Variants in CIMIP7 observed in about 807,000 individuals in gnomAD.
CIMIP7 encodes uncharacterized protein C3orf84.
the CIMIP7 span, among the ~76,000 whole-genome samples, chr3:49,189,167 C>T: frequency 6.6e-6 from 1 of 152,088 alleles, no homozygotes; most frequent in Non-Finnish European, 1.5e-5. Flanking sequence ...TGGGGTTTCT[C>T]CATGTTGGTC....
At chr3:49,186,674 A>G in the CIMIP7 span, among the ~76,000 whole-genome samples, 702 of 152,344 alleles carry the variant, frequency 4.6e-3, 7 homozygotes, top group Non-Finnish European at 7.6e-3. Context: ...AAGTGCTGGG[A>G]TAACAGGCGT....
the CIMIP7 span, among the ~76,000 whole-genome samples, chr3:49,178,290 C>T: frequency 2.0e-5 from 3 of 152,214 alleles, no homozygotes; most frequent in African/African-American, 7.2e-5. Context: ...AGGAAACCAA[C>T]ATAGAGATGT....
At chr3:49,186,746 G>A in the CIMIP7 span, among the ~76,000 whole-genome samples, 1 of 149,516 alleles carries the variant, frequency 6.7e-6, no homozygotes, top group South Asian at 2.3e-4. Context: ...ACACACACAC[G>A]CACGCACGCA....
the CIMIP7 span, among the ~76,000 whole-genome samples, chr3:49,182,044 G>A: frequency 1.3e-5 from 2 of 152,070 alleles, no homozygotes; most frequent in East Asian, 3.8e-4. Flanking sequence ...TCGTTCCTCC[G>A]GGTGGGTTCG....
At chr3:49,185,689 C>CT in the CIMIP7 span, among the ~76,000 whole-genome samples, 1,047 of 143,070 alleles carry the variant, frequency 7.3e-3, 8 homozygotes, top group African/African-American at 0.022. Flanking sequence ...AATTTTAAAG[C>CT]TTTTTTTTTT....
At chr3:49,189,603 T>C in the CIMIP7 span, among the ~76,000 whole-genome samples, 1 of 152,212 alleles carries the variant, frequency 6.6e-6, no homozygotes, top group East Asian at 1.9e-4. Flanking sequence ...CCTCCTGTAC[T>C]ACTTCCCTGA....
At chr3:49,179,631 C>A in the CIMIP7 span, among the ~76,000 whole-genome samples, 4 of 152,168 alleles carry the variant, frequency 2.6e-5, no homozygotes, top group Non-Finnish European at 4.4e-5. Context: ...CTTCCTTGAG[C>A]ACTAGGCCAA....
At chr3:49,178,480 A>G in the CIMIP7 span, 1 of 1,613,218 alleles carries the variant, frequency 6.2e-7, no homozygotes. Context: ...TTCGGCACTC[A>G]CTTTGTCAAA....
At chr3:49,191,606 A>T in the CIMIP7 span, 1 of 903,964 alleles carries the variant, frequency 1.1e-6, no homozygotes. Context: ...AAGATGGTGG[A>T]GAGGAAGTGG....
chr3:49,185,897 G>A, the CIMIP7 span, among the ~76,000 whole-genome samples: 3 of 151,496 alleles, frequency 2.0e-5, no homozygotes, highest in Admixed American at 6.6e-5. Context: ...TCACTATGTT[G>A]GCCAGTCTCA....
At chr3:49,190,046 T>C in the CIMIP7 span, 4 of 1,613,842 alleles carry the variant, frequency 2.5e-6, no homozygotes, top group Non-Finnish European at 3.4e-6. Flanking sequence ...GCAGGAACAC[T>C]GCTGGAGGCT....
chr3:49,189,464 T>C, the CIMIP7 span, among the ~76,000 whole-genome samples: 903 of 152,258 alleles, frequency 5.9e-3, 10 homozygotes, highest in African/African-American at 0.021. Flanking sequence ...GGCTTGTAAG[T>C]AGTAAAGGGC....
At chr3:49,185,553 C>T in the CIMIP7 span, among the ~76,000 whole-genome samples, 24 of 151,988 alleles carry the variant, frequency 1.6e-4, no homozygotes, top group African/African-American at 5.1e-4. Flanking sequence ...GCAACAAGAG[C>T]GGAACTCCAA....
At chr3:49,181,279 T>A in the CIMIP7 span, among the ~76,000 whole-genome samples, 1 of 144,290 alleles carries the variant, frequency 6.9e-6, no homozygotes, top group East Asian at 2.0e-4. Context: ...GTGGTGGAGG[T>A]TGCAGTGAGC....
At chr3:49,180,156 A>G in the CIMIP7 span, among the ~76,000 whole-genome samples, 2 of 152,148 alleles carry the variant, frequency 1.3e-5, no homozygotes, top group Admixed American at 6.5e-5. Flanking sequence ...TTTGGCTGTA[A>G]TCCCAGCTAC....
At chr3:49,187,999 T>C in the CIMIP7 span, among the ~76,000 whole-genome samples, 1 of 152,190 alleles carries the variant, frequency 6.6e-6, no homozygotes, top group Non-Finnish European at 1.5e-5. Flanking sequence ...GTTTAACAGA[T>C]TGATAGGATG....
the CIMIP7 span, among the ~76,000 whole-genome samples, chr3:49,189,501 C>T: frequency 6.6e-6 from 1 of 152,226 alleles, no homozygotes; most frequent in East Asian, 1.9e-4. Flanking sequence ...CTTTCCCATT[C>T]TCCAGAAGCC....
At chr3:49,191,585 G>T in the CIMIP7 span, 1 of 784,956 alleles carries the variant, frequency 1.3e-6, no homozygotes. Flanking sequence ...GCAGCCTCCA[G>T]GGGTGACCTC....
the CIMIP7 span, chr3:49,191,733 G>A: frequency 6.3e-7 from 1 of 1,592,598 alleles, no homozygotes. Context: ...TTAACATAAA[G>A]TGCACTCTTA....
Sources: gnomAD v4.1 joint callset for allele counts (sites outside exome capture counted in the v4.1 genomes callset) on GRCh38, gnomAD v4.1.1 for gene constraint, MANE v1.5 for transcripts, NCBI Gene and HGNC (gene_info 2026-07-23, HGNC 2026-07-21) for gene names.